CLVS1: variants seen among roughly 807,000 people sequenced by gnomAD.
CLVS1 encodes the protein clavesin-1.
CLVS1 carries 10 observed loss-of-function variants against 33.1 expected under a neutral mutation model. That is an observed-to-expected ratio of 0.30 (90% CI 0.19 to 0.51). The LOEUF (loss-of-function observed/expected upper bound fraction) is 0.51. CLVS1 is among the 20% of genes least tolerant of loss of function. The probability of loss-of-function intolerance (pLI) is 0.97; values close to 1 mark genes in which losing one functional copy is unlikely to be tolerated. For missense variants in CLVS1, 343 were observed against 433.4 expected (o/e 0.79, Z 1.85); for synonymous variants, 163 against 166.1 (o/e 0.98, Z 0.14).
intron 2 of CLVS1, among the ~76,000 whole-genome samples, chr8:61,281,040 C>T (rs1276987348): frequency 6.6e-6 from 1 of 152,224 alleles, no homozygotes; most frequent in Non-Finnish European, 1.5e-5. Flanking sequence ...CAATCCTCCT[C>T]AAATCTATAC....
At chr8:61,261,210 C>A (rs1183081454) in intron 2 of CLVS1, among the ~76,000 whole-genome samples, 1 of 152,118 alleles carries the variant, frequency 6.6e-6, no homozygotes, top group African/African-American at 2.4e-5. Flanking sequence ...GACCCTTGAC[C>A]AGCCCCATCC....
At chr8:61,343,512 A>G (rs1812098986) in intron 2 of CLVS1, among the ~76,000 whole-genome samples, 1 of 152,222 alleles carries the variant, frequency 6.6e-6, no homozygotes, top group Non-Finnish European at 1.5e-5. Flanking sequence ...TCCAGAGCTA[A>G]AGACAATGTA....
chr8:61,141,269 G>A (rs1806303907), intron 2 of CLVS1, among the ~76,000 whole-genome samples: 2 of 151,460 alleles, frequency 1.3e-5, no homozygotes, highest in Non-Finnish European at 2.9e-5. Flanking sequence ...TTGCATGGTC[G>A]AAAGGCCATA....
chr8:61,492,621 G>A (rs1386106201), intron 5 of CLVS1, among the ~76,000 whole-genome samples: 1 of 152,134 alleles, frequency 6.6e-6, no homozygotes, highest in Non-Finnish European at 1.5e-5. Flanking sequence ...AGTACATATA[G>A]GCAAGAGCTG....
intron 2 of CLVS1, among the ~76,000 whole-genome samples, chr8:61,212,796 C>T (rs887497273): frequency 7.9e-5 from 12 of 152,090 alleles, no homozygotes; most frequent in African/African-American, 4.8e-5. Flanking sequence ...AGCAGGGAGG[C>T]GCCTTGGAGA....
chr8:61,131,332 T>C (rs1201916180), intron 1 of CLVS1, among the ~76,000 whole-genome samples: 2 of 152,262 alleles, frequency 1.3e-5, no homozygotes, highest in Non-Finnish European at 2.9e-5. Flanking sequence ...GTGCGAATTA[T>C]GCAGTGGTTA....
chr8:61,339,877 AAG>A (rs965007507), intron 2 of CLVS1, among the ~76,000 whole-genome samples: 5 of 150,106 alleles, frequency 3.3e-5, no homozygotes, highest in Non-Finnish European at 7.4e-5. Context: ...GAAATAGAGA[AAG>A]AGAAGGAGGG....
At position 61,104,384 on chromosome 8, in the gene CLVS1, T is replaced by C. The variant is rs563175479; in HGVS notation, c.-242-27386T>C. On this transcript the variant is annotated intron_variant, in intron 1 of 2. Coordinates refer to the CLVS1 transcript ENST00000522621. The stretch of plus-strand genomic sequence containing the variant: ...TGCAGAGATATATAGGTAGCGTGTA[T>C]GTCTCTCTTGCAGTAGCCAGAAGTG... 3.0e-4 allele frequency among the ~76,000 whole-genome samples: 46 copies of C among 152,350 alleles called. 1 individual carries two copies. Among genetic ancestry groups the C allele is most frequent in the Admixed American group, 9.8e-4 (15 of 15,302 alleles).
At chr8:61,273,071 T>A (rs1251540912) in intron 2 of CLVS1, among the ~76,000 whole-genome samples, 2 of 150,822 alleles carry the variant, frequency 1.3e-5, no homozygotes, top group African/African-American at 2.5e-5. Flanking sequence ...GGCGCTCTGC[T>A]TTTTAGAGTT....
chr8:61,233,679 C>T (rs1316984310), intron 2 of CLVS1, among the ~76,000 whole-genome samples: 1 of 152,328 alleles, frequency 6.6e-6, no homozygotes, highest in Non-Finnish European at 1.5e-5. Flanking sequence ...CCTGGCCTCT[C>T]ACTGCCAGGT....
chr8:61,188,784 C>G (rs1807399025), intron 2 of CLVS1, among the ~76,000 whole-genome samples: 1 of 151,856 alleles, frequency 6.6e-6, no homozygotes, highest in South Asian at 2.1e-4. Flanking sequence ...GCATTCAATT[C>G]AGAAAAATAA....
intron 2 of CLVS1, among the ~76,000 whole-genome samples, chr8:61,268,240 C>G (rs1809354324): frequency 7.0e-6 from 1 of 143,314 alleles, no homozygotes; most frequent in African/African-American, 2.6e-5. Context: ...TTGTTCAATT[C>G]CCACCTATGA....
At chr8:61,478,809 C>A (rs1017626238) in intron 5 of CLVS1, among the ~76,000 whole-genome samples, 1 of 152,106 alleles carries the variant, frequency 6.6e-6, no homozygotes, top group African/African-American at 2.4e-5. Flanking sequence ...AGCATTTAGC[C>A]CATTTACATT....
chr8:61,313,825 A>T (rs1810922014), intron 2 of CLVS1, among the ~76,000 whole-genome samples: 1 of 152,132 alleles, frequency 6.6e-6, no homozygotes. Flanking sequence ...AGAGACTAGG[A>T]TGCTCCTGCC....
intron 2 of CLVS1, among the ~76,000 whole-genome samples, chr8:61,188,639 A>C (rs1427222645): frequency 1.3e-5 from 2 of 152,160 alleles, no homozygotes; most frequent in Non-Finnish European, 2.9e-5. Flanking sequence ...TAGAACCTTT[A>C]TAACATGTTA....
At chr8:60,992,150 T>C in the CLVS1 span, among the ~76,000 whole-genome samples, 2,522 of 152,286 alleles carry the variant, frequency 0.017, 84 homozygotes, top group African/African-American at 0.057. Context: ...GTCCCTTTAC[T>C]ATATGCTCTC....
chr8:61,193,420 A>G (rs1807536695), intron 2 of CLVS1, among the ~76,000 whole-genome samples: 1 of 152,074 alleles, frequency 6.6e-6, no homozygotes, highest in Non-Finnish European at 1.5e-5. Flanking sequence ...CCTAATGTAA[A>G]TGACAAGTTA....
chr8:60,987,450 T>C, the CLVS1 span, among the ~76,000 whole-genome samples: 15 of 152,124 alleles, frequency 9.9e-5, no homozygotes, highest in Non-Finnish European at 1.8e-4. Flanking sequence ...AGTTTTATGC[T>C]AAGTTGCCTG....
In CLVS1 at chr8:61,431,250, C is replaced by T. The variant is rs558096400; in HGVS notation, c.631-22891C>T. Among the ~76,000 whole-genome samples the T allele has an allele frequency of 7.9e-5, 12 of 152,138 alleles. No individual in the cohort carries two copies. In the South Asian group the frequency reaches 1.7e-3, roughly 21 times the overall value. On this transcript the variant is annotated intron_variant, in intron 3 of 5. Coordinates refer to ENST00000325897, the MANE Select transcript of CLVS1 (RefSeq NM_173519.3). The stretch of plus-strand genomic sequence containing the variant: ...TAGATAACCTTCCAAAAATGGGTCT[C>T]ATGGTGGGGAACACTTGGGAAACAA...
Sources: allele counts gnomAD v4.1 joint callset (sites outside exome capture counted in the v4.1 genomes callset), GRCh38; gene constraint gnomAD v4.1.1; transcripts MANE v1.5; gene names NCBI Gene and HGNC (gene_info 2026-07-23, HGNC 2026-07-21).